Variants in SHMT1 observed in about 807,000 individuals in gnomAD.
SHMT1 encodes serine hydroxymethyltransferase 1.
In SHMT1, 45 loss-of-function variants were observed where a neutral mutation model predicts 49.0. That is an observed-to-expected ratio of 0.92 (90% confidence interval 0.72 to 1.18). The LOEUF is 1.18. Ranked by LOEUF, SHMT1 falls within the 50% of genes most tolerant of loss-of-function variation. The probability of loss-of-function intolerance (pLI) is 0.00; values close to 1 mark genes in which losing one functional copy is unlikely to be tolerated. For missense variants in SHMT1, 541 were observed against 612.4 expected (o/e 0.88, Z 1.23); for synonymous variants, 232 against 246.6 (o/e 0.94, Z 0.55).
At chr17:18,362,010 C>G (rs1296525096) in intron 1 of SHMT1, among the ~76,000 whole-genome samples, 1 of 152,192 alleles carries the variant, frequency 6.6e-6, no homozygotes, top group African/African-American at 2.4e-5. Context: ...CCCCATGCCT[C>G]CAAATCTTAC....
At chr17:18,330,501 C>T in intron 10 of SHMT1, 54 bp downstream of exon 10, 8 of 1,283,614 alleles carry the variant, frequency 6.2e-6, no homozygotes, top group South Asian at 4.7e-5. Context: ...CAACTTTGGC[C>T]AGAAGAAATG....
intron 5 of SHMT1, 116 bp downstream of exon 5, chr17:18,347,380 G>T: frequency 8.5e-7 from 1 of 1,180,354 alleles, no homozygotes; most frequent in East Asian, 2.3e-5. Context: ...AATTAAAAAC[G>T]GTGCGAGGTG....
At chr17:18,348,700 A>G in intron 3 of SHMT1, 1 of 574,434 alleles carries the variant, frequency 1.7e-6, no homozygotes, top group Non-Finnish European at 3.4e-6. Context: ...TTTGGCTGGG[A>G]GAGGTGGCTT....
chr17:18,351,869 G>A (rs1985743130), intron 3 of SHMT1, among the ~76,000 whole-genome samples: 1 of 151,892 alleles, frequency 6.6e-6, no homozygotes, highest in African/African-American at 2.4e-5. Flanking sequence ...TTTAGAAACA[G>A]GGTCTCATTC....
intron 7 of SHMT1, among the ~76,000 whole-genome samples, chr17:18,336,395 G>C (rs1983794505): frequency 6.6e-6 from 1 of 152,172 alleles, no homozygotes; most frequent in Admixed American, 6.5e-5. Flanking sequence ...GCTGGGCGTG[G>C]TGGTTCATGC....
intron 9 of SHMT1, chr17:18,332,020 T>A (rs1372685506): frequency 6.6e-6 from 1 of 152,284 alleles, no homozygotes; most frequent in Admixed American, 6.5e-5. Context: ...AATCTAATGC[T>A]GCCACTGATC....
chr17:18,361,647 C>T (rs1403699862), intron 1 of SHMT1, among the ~76,000 whole-genome samples: 3 of 150,962 alleles, frequency 2.0e-5, no homozygotes, highest in Non-Finnish European at 4.4e-5. Flanking sequence ...ATTAGCTGGG[C>T]GTGGTGGCGG....
chr17:18,330,188 T>C (rs1157196514), intron 10 of SHMT1, among the ~76,000 whole-genome samples: 1 of 150,002 alleles, frequency 6.7e-6, no homozygotes, highest in African/African-American at 2.5e-5. Context: ...AAGGCTGGAG[T>C]GCAGTGGTAC....
intron 3 of SHMT1, among the ~76,000 whole-genome samples, chr17:18,350,795 C>T (rs1413443676): frequency 1.3e-5 from 2 of 151,134 alleles, no homozygotes; most frequent in South Asian, 2.1e-4. Flanking sequence ...TGCAGTGGTG[C>T]GATCTCGGCT....
intron 9 of SHMT1, chr17:18,331,044 C>CT (rs1983154603): frequency 2.8e-6 from 1 of 360,300 alleles, no homozygotes; most frequent in African/African-American, 2.1e-5. Context: ...GTTCAATTTA[C>CT]TTTGGGGGGT....
intron 9 of SHMT1, 46 bp downstream of exon 9, chr17:18,333,120 A>G: frequency 1.9e-6 from 3 of 1,611,580 alleles, no homozygotes; most frequent in East Asian, 2.2e-5. Context: ...GCAAGCCTTA[A>G]TACAACCACA....
chr17:18,355,050 CAAAAAAAAAAAAAAAAAAAAAAA>C (rs768492183), intron 2 of SHMT1, among the ~76,000 whole-genome samples: 4 of 24,464 alleles, frequency 1.6e-4, no homozygotes, highest in East Asian at 1.9e-3. Context: ...GACTATATCT[CAAAAAAAAAAAAAAAAAAAAAAA>C]AAAAAAAAAA....
chr17:18,340,490 G>C lies in SHMT1; in HGVS notation c.602-235C>G, dbSNP rs970089895. Reference sequence around the variant, plus strand: ...CCAACTACTATTGCCAGCGCAGTCAGGGCCTGACATTTCTAGATGCTTCTC... The same window carrying C: ...CCAACTACTATTGCCAGCGCAGTCACGGCCTGACATTTCTAGATGCTTCTC... On this transcript the variant is annotated intron_variant, in intron 6 of 11. Transcript: ENST00000316694. This position sits in a 1 kb window ranked among gnomAD's most constrained non-coding sequence, Gnocchi z 4.5. 4.5e-6 allele frequency: 3 copies of C among 669,854 alleles called. No individual in the cohort carries two copies. Among genetic ancestry groups the C allele is most frequent in the African/African-American group, 1.8e-5 (1 of 56,186 alleles). The allele number at this position is 669,854 out of a possible 1,614,324, so 41.5% of individuals were successfully genotyped here.
chr17:18,359,133 G>A (rs1045898990), intron 1 of SHMT1, among the ~76,000 whole-genome samples: 1 of 151,882 alleles, frequency 6.6e-6, no homozygotes, highest in Non-Finnish European at 1.5e-5. Flanking sequence ...AGCTACTTGG[G>A]AGGCTGAGGC....
Position 18,327,978 on chromosome 17 carries a change from TTTGA to T in SHMT1, c.*768_*771del, listed in dbSNP as rs1357046800. ...CTTGTAGACATTCTGTGGTTAAAAA[TTTGA>T]TTGTGCTTATTAAAAATGGTCATCT... On this transcript the variant is annotated 3_prime_UTR_variant, in exon 12 of 12. Transcript: ENST00000316694. 1.3e-5 allele frequency: 2 copies of T among 152,688 alleles called. No individual in the cohort carries two copies. Among genetic ancestry groups the T allele is most frequent in the African/African-American group, 2.4e-5 (1 of 41,476 alleles). The allele number at this position is 152,688 out of a possible 1,614,324, so 9.5% of individuals were successfully genotyped here.
chr17:18,333,052 C>T (rs1598016286), intron 9 of SHMT1, 114 bp downstream of exon 9: 1 of 1,363,588 alleles, frequency 7.3e-7, no homozygotes, highest in East Asian at 2.3e-5. Flanking sequence ...AAGGTGGGCC[C>T]ATCATTGCAG....
chr17:18,350,880 G>A (rs916736706), intron 3 of SHMT1, among the ~76,000 whole-genome samples: 4 of 150,580 alleles, frequency 2.7e-5, no homozygotes, highest in Admixed American at 6.6e-5. Context: ...TTACAGGCAC[G>A]CACCTCCACA....
At chr17:18,331,270 G>C (rs1409423977) in intron 9 of SHMT1, 1 of 192,618 alleles carries the variant, frequency 5.2e-6, no homozygotes, top group Non-Finnish European at 1.1e-5. Context: ...TGACAGCACT[G>C]GGGCCTCTGC....
intron 11 of SHMT1, 111 bp from the exon 12 acceptor site, chr17:18,329,030 G>A (rs1446856036): frequency 5.8e-6 from 8 of 1,369,072 alleles, no homozygotes; most frequent in Non-Finnish European, 8.2e-6. Context: ...GAGTGTGGCA[G>A]GGCACAAGGT....
Sources: allele counts gnomAD v4.1 joint callset (sites outside exome capture counted in the v4.1 genomes callset), GRCh38; gene constraint gnomAD v4.1.1; non-coding constraint Gnocchi (gnomAD v3.1); transcripts MANE v1.5; gene names NCBI Gene and HGNC (gene_info 2026-07-23, HGNC 2026-07-21).